DUS4L: variants seen among roughly 807,000 people sequenced by gnomAD.
DUS4L encodes the protein tRNA-dihydrouridine(20a/20b) synthase [NAD(P)+]-like.
A neutral mutation model predicts 33.8 loss-of-function variants in DUS4L; 31 were observed. The ratio of observed to expected loss-of-function variants is 0.92; its 90% CI spans 0.69 to 1.24. The LOEUF (loss-of-function observed/expected upper bound fraction) is 1.24. DUS4L is among the 50% of genes most tolerant of loss of function. DUS4L has a pLI of 0.00. For missense variants in DUS4L, 368 were observed against 388.6 expected (o/e 0.95, Z 0.45); for synonymous variants, 103 against 120.3 (o/e 0.86, Z 0.94).
Position 107,564,609 on chromosome 7 carries a change from TTTC to T in DUS4L, c.-86_-84del, listed in dbSNP as rs1168510778. ...TCAGTTTCAGTCACGTGCCAGACTT[TTTC>T]TTAATTACAAACTGATAGATGGTCC... On this transcript the variant is annotated 5_prime_UTR_variant, in exon 2 of 8. Coordinates refer to ENST00000265720, the MANE Select transcript of DUS4L (RefSeq NM_181581.3). 6.5e-6 allele frequency: 1 copy of T among 152,708 alleles called. No homozygotes were observed. The highest frequency in any genetic ancestry group is 2.4e-5 in the African/African-American group (1 of 41,450). 9.5% of individuals were successfully genotyped at this position (152,708 alleles called of 1,614,324 possible). A position where few individuals can be genotyped will look rare whatever the true frequency, so the allele number is the denominator to read the frequency against.
chr7:107,571,247 C>T lies in DUS4L; in HGVS notation c.219C>T (p.Ser73=), dbSNP rs761695163. The T allele has an allele frequency of 6.8e-6, 11 of 1,609,206 alleles. No individual in the cohort carries two copies. In the Admixed American group the frequency reaches 8.5e-5, roughly 12 times the overall value. ...TCAAATCTATAAAAGCCAGAGACAG[C>T]GAATTTACCACAAATCAAGGTATGT... ...DFVKSIKARD[S]EFTTNQGDCP... Residue 73 remains serine, a synonymous_variant, in exon 4 of 8, where the codon AGC becomes AGT. Coordinates refer to ENST00000265720, the MANE Select transcript of DUS4L (RefSeq NM_181581.3).
intron 4 of DUS4L, among the ~76,000 whole-genome samples, chr7:107,573,001 A>C (rs908353361): frequency 6.6e-6 from 1 of 152,208 alleles, no homozygotes; most frequent in African/African-American, 2.4e-5. Context: ...TGGAAAAATT[A>C]TATACAGAAA....
chr7:107,577,659 G>C lies in DUS4L; in HGVS notation c.*99G>C. The C allele has an allele frequency of 7.5e-7, 1 of 1,334,638 alleles. No homozygotes were observed. Among genetic ancestry groups the C allele is most frequent in the African/African-American group, 1.5e-5 (1 of 67,734 alleles). The allele number at this position is 1,334,638 out of a possible 1,614,324, so 82.7% of individuals were successfully genotyped here. A position where few individuals can be genotyped will look rare whatever the true frequency, so the allele number is the denominator to read the frequency against. ...TTAAACCAGTAGCTCTCAAATTTTA[G>C]TATAAAAACAATTCCTGGGAGCGTT... On this transcript the variant is annotated 3_prime_UTR_variant, in exon 8 of 8. Transcript: ENST00000265720.
chr7:107,567,821 C>A, intron 3 of DUS4L: 1 of 443,148 alleles, frequency 2.3e-6, no homozygotes, highest in Non-Finnish European at 4.5e-6. Context: ...CAGCCCCTGG[C>A]AACCATTATT....
chr7:107,576,998 TATAG>T, intron 7 of DUS4L: 1 of 318,010 alleles, frequency 3.1e-6, no homozygotes, highest in Non-Finnish European at 5.7e-6. Flanking sequence ...GATGGGAGAA[TATAG>T]ATAAACTGAA....
At chr7:107,576,317 A>G in intron 6 of DUS4L, 49 bp from the exon 7 acceptor site, 3 of 1,541,724 alleles carry the variant, frequency 1.9e-6, no homozygotes, top group Non-Finnish European at 2.6e-6. Flanking sequence ...TAATGTTAGC[A>G]TTAAGATTTG....
Position 107,563,975 on chromosome 7 carries a change from G to GCCCA in DUS4L, c.-340_-337dup, listed in dbSNP as rs1379496295. 1.5e-6 allele frequency: 1 copy of GCCCA among 669,834 alleles called. No individual in the cohort carries two copies. Among genetic ancestry groups the GCCCA allele is most frequent in the African/African-American group, 1.8e-5 (1 of 55,036 alleles). 41.5% of individuals were successfully genotyped at this position (669,834 alleles called of 1,614,324 possible). On this transcript the variant is annotated 5_prime_UTR_variant, in exon 1 of 8. Transcript: ENST00000265720. Reference sequence around the variant, plus strand: ...GTGACGCAGAATCCCGGCGCCGCCCGCCCACCCAGCCCATGGCTCCAGGCC... The same window carrying GCCCA: ...GTGACGCAGAATCCCGGCGCCGCCCGCCCACCCACCCAGCCCATGGCTCCAGGCC...
In DUS4L at chr7:107,564,597, C is replaced by T. The variant is rs896255853; in HGVS notation, c.-101C>T. ...TCTACTTCTTCCTCAGTTTCAGTCACGTGCCAGACTTTTTCTTAATTACAA... is the reference window on the plus strand; with the variant it reads ...TCTACTTCTTCCTCAGTTTCAGTCATGTGCCAGACTTTTTCTTAATTACAA... On this transcript the variant is annotated 5_prime_UTR_variant, in exon 2 of 8. In the 5' UTR this introduces an upstream ATG that the reference lacks. Transcript: ENST00000265720. 6.6e-6 allele frequency: 1 copy of T among 152,590 alleles called. No homozygotes were observed. The highest frequency in any genetic ancestry group is 1.5e-5 in the Non-Finnish European group (1 of 68,278). The allele number at this position is 152,590 out of a possible 1,614,324, so 9.5% of individuals were successfully genotyped here.
rs1272442080 is a variant in DUS4L, at chr7:107,577,715, A to T, written c.*155A>T. On this transcript the variant is annotated 3_prime_UTR_variant, in exon 8 of 8. Transcript: ENST00000265720. Reference sequence around the variant, plus strand: ...AAAATCAGTTGTAGACACCACCCTCAGAGATTCTGATTAGGTAGATCTGGA... The same window carrying T: ...AAAATCAGTTGTAGACACCACCCTCTGAGATTCTGATTAGGTAGATCTGGA... The T allele has an allele frequency of 2.8e-6, 2 of 713,074 alleles. No homozygotes were observed. Among genetic ancestry groups the T allele is most frequent in the Admixed American group, 3.0e-5 (1 of 33,118 alleles). 44.2% of individuals were successfully genotyped at this position (713,074 alleles called of 1,614,324 possible).
chr7:107,567,592 A>G lies in DUS4L; in HGVS notation c.116+406A>G, dbSNP rs555458118. Among the ~76,000 whole-genome samples, 9 of 152,140 alleles carry G rather than the reference A, an allele frequency of 5.9e-5. No individual in the cohort carries two copies. The East Asian group carries it at 1.7e-3, about 29-fold the overall frequency. ...CTTCGTATCTTTTGCTCATCTTCTA[A>G]TTGGATTGTTTGCTCTTTTACTATT... On this transcript the variant is annotated intron_variant, in intron 3 of 7. Transcript: ENST00000265720.
chr7:107,565,209 C>T (rs557128921), intron 2 of DUS4L, among the ~76,000 whole-genome samples: 8 of 152,246 alleles, frequency 5.3e-5, no homozygotes, highest in Admixed American at 3.3e-4. Context: ...AGTTTTGACC[C>T]CTCTACTCTG....
At position 107,567,097 on chromosome 7, in the gene DUS4L, AAT is replaced by A. The variant is rs1804781287; in HGVS notation, c.30_31del (p.Ile10MetfsTer33). Reference sequence around the variant, plus strand: ...TGAAGAGTGACTGCATGCAAACGACAATATGTCAGGAAAGAAAAAAAGATCCC... The same window carrying A: ...TGAAGAGTGACTGCATGCAAACGACAATGTCAGGAAAGAAAAAAAGATCCC... Reference protein sequence around the residue: MKSDCMQTTICQERKKDPIE... With the variant: MKSDCMQTTXCQERKKDPIE... On this transcript the variant is annotated frameshift_variant, in exon 3 of 8. Transcript: ENST00000265720. LOFTEE classifies it high-confidence loss of function. 1.9e-6 allele frequency: 3 copies of A among 1,613,630 alleles called. No homozygotes were observed. The highest frequency in any genetic ancestry group is 2.5e-6 in the Non-Finnish European group (3 of 1,179,692).
In DUS4L at chr7:107,577,419, C is replaced by T. The variant is rs756911239; in HGVS notation, c.813C>T (p.Leu271=). The T allele has an allele frequency of 5.0e-6, 8 of 1,613,870 alleles. No individual in the cohort carries two copies. The highest frequency in any genetic ancestry group is 2.7e-5 in the African/African-American group (2 of 74,864). ...ACTGGGTTGACATTGCTCTTGAACT[C>T]GGGACTCCTTACATGTGTTTCCATC... ...IWDWVDIALE[L]GTPYMCFHQH... Residue 271 remains leucine, a synonymous_variant, in exon 8 of 8, where the codon CTC becomes CTT. Coordinates refer to ENST00000265720, the MANE Select transcript of DUS4L (RefSeq NM_181581.3).
At position 107,573,755 on chromosome 7, in the gene DUS4L, C is replaced by G. The variant is rs758793413; in HGVS notation, c.290C>G (p.Ser97Cys). The G allele has an allele frequency of 7.4e-6, 12 of 1,610,886 alleles. No homozygotes were observed. The East Asian group carries it at 2.5e-4, about 33-fold the overall frequency. Residue 97 changes from serine (S) to cysteine (C), a missense_variant, in exon 5 of 8, where the codon TCT becomes TGT. Transcript: ENST00000265720. ...QFAANDARLL[S>C]DAARIVCPYA... Reference sequence around the variant, plus strand: ...GCTGCTAACGATGCAAGACTTTTATCTGATGCTGCTCGTATAGTCTGTCCT... The same window carrying G: ...GCTGCTAACGATGCAAGACTTTTATGTGATGCTGCTCGTATAGTCTGTCCT...
At chr7:107,572,548 G>A (rs905170737) in intron 4 of DUS4L, among the ~76,000 whole-genome samples, 1 of 152,148 alleles carries the variant, frequency 6.6e-6, no homozygotes, top group African/African-American at 2.4e-5. Flanking sequence ...ACATTCGGCT[G>A]TATTAAAATT....
chr7:107,568,766 C>G (rs1015217792), intron 3 of DUS4L, among the ~76,000 whole-genome samples: 1 of 152,162 alleles, frequency 6.6e-6, no homozygotes, highest in Non-Finnish European at 1.5e-5. Flanking sequence ...AATATTTTCT[C>G]CTAAGTTTTT....
chr7:107,573,741 T>C lies in DUS4L; in HGVS notation c.276T>C (p.Asp92=). ...TGATTGTTCAGTTTGCTGCTAACGA[T>C]GCAAGACTTTTATCTGATGCTGCTC... ...CPLIVQFAAN[D]ARLLSDAARI... The change falls in exon 5 of 8, where the codon GAT becomes GAC. Residue 92 remains aspartate, a synonymous_variant. Transcript: ENST00000265720. The C allele has an allele frequency of 1.9e-6, 3 of 1,611,234 alleles. No individual in the cohort carries two copies. Among genetic ancestry groups the C allele is most frequent in the South Asian group, 2.2e-5 (2 of 90,438 alleles).
chr7:107,577,040 C>A, intron 7 of DUS4L: 1 of 381,304 alleles, frequency 2.6e-6, no homozygotes, highest in South Asian at 4.7e-5. Flanking sequence ...TATGACAATC[C>A]AGATTTACCC....
At chr7:107,573,015 G>T (rs1805400947) in intron 4 of DUS4L, among the ~76,000 whole-genome samples, 1 of 152,000 alleles carries the variant, frequency 6.6e-6, no homozygotes, top group East Asian at 1.9e-4. Flanking sequence ...ACAGAAAAAT[G>T]CAAAGAATAT....
Sources: allele counts gnomAD v4.1 joint callset (sites outside exome capture counted in the v4.1 genomes callset), GRCh38; gene constraint gnomAD v4.1.1; transcripts MANE v1.5; gene names NCBI Gene and HGNC (gene_info 2026-07-23, HGNC 2026-07-21).